The following DDX4 variants were observed in gnomAD, a reference collection of about 807,000 sequenced individuals.
DDX4 encodes the protein probable ATP-dependent RNA helicase DDX4.
In DDX4, 25 loss-of-function variants were observed where a neutral mutation model predicts 100.0. The ratio of observed to expected loss-of-function variants is 0.25; its 90% CI spans 0.18 to 0.35. DDX4 has a LOEUF of 0.35. Among genes scored for constraint, DDX4 ranks in the 10% least tolerant of loss-of-function variants. The pLI is 1.00. For missense variants in DDX4, 635 were observed against 882.4 expected (o/e 0.72, Z 3.55); for synonymous variants, 259 against 275.7 (o/e 0.94, Z 0.60).
chr5:55,784,642 C>A (rs535676856), intron 10 of DDX4, among the ~76,000 whole-genome samples: 20 of 152,290 alleles, frequency 1.3e-4, no homozygotes, highest in African/African-American at 4.8e-4. Context: ...TGAATATTTG[C>A]TTTCCTTCTG....
intron 7 of DDX4, among the ~76,000 whole-genome samples, chr5:55,779,088 A>G (rs1329247448): frequency 6.6e-6 from 1 of 152,174 alleles, no homozygotes; most frequent in African/African-American, 2.4e-5. Flanking sequence ...ATAGGGCAAA[A>G]GAAAAACATG....
chr5:55,766,287 G>A (rs1740921528), intron 6 of DDX4, among the ~76,000 whole-genome samples: 1 of 152,004 alleles, frequency 6.6e-6, no homozygotes, highest in African/African-American at 2.4e-5. Flanking sequence ...TAGTACAGAG[G>A]TTTTTCATGT....
In DDX4 at chr5:55,808,256, G is replaced by T. The variant is rs191039793; in HGVS notation, c.1616-5417G>T. On this transcript the variant is annotated intron_variant, in intron 18 of 21. Coordinates refer to ENST00000505374, the MANE Select transcript of DDX4 (RefSeq NM_024415.3). Reference sequence around the variant, plus strand: ...CAAGGTTTTTAACTTCTTTGCCATGGCTTTGTATTCCTCCTTTAGCTCTGA... The same window carrying T: ...CAAGGTTTTTAACTTCTTTGCCATGTCTTTGTATTCCTCCTTTAGCTCTGA... Among the ~76,000 whole-genome samples, 67 of 152,090 alleles carry T rather than the reference G, an allele frequency of 4.4e-4. No homozygotes were observed. The East Asian group carries it at 0.013, about 29-fold the overall frequency.
chr5:55,807,894 A>G (rs1580607846), intron 18 of DDX4, among the ~76,000 whole-genome samples: 1 of 152,290 alleles, frequency 6.6e-6, no homozygotes, highest in East Asian at 1.9e-4. Context: ...GTTCTCATGG[A>G]TAATATCCTG....
Position 55,816,581 on chromosome 5 carries a change from A to C in DDX4, c.*41A>C. 3 of 1,597,680 alleles carry C rather than the reference A, an allele frequency of 1.9e-6. No homozygotes were observed. In the South Asian group the frequency reaches 3.4e-5, roughly 18 times the overall value. On this transcript the variant is annotated 3_prime_UTR_variant, in exon 22 of 22. Transcript: ENST00000505374. ...CAAGTCTGTGGTTTTGATGCAGAGA[A>C]GAAAATAGTTTTGATTTTTGAGTTT... is the stretch of plus-strand genomic sequence containing the variant.
intron 18 of DDX4, among the ~76,000 whole-genome samples, chr5:55,808,889 G>A (rs888686521): frequency 1.3e-5 from 2 of 152,210 alleles, no homozygotes; most frequent in African/African-American, 2.4e-5. Context: ...GCTGCCTTTT[G>A]TTTGTCTGTG....
intron 3 of DDX4, among the ~76,000 whole-genome samples, chr5:55,749,672 T>G (rs1759434251): frequency 6.6e-6 from 1 of 152,172 alleles, no homozygotes; most frequent in Non-Finnish European, 1.5e-5. Context: ...CTCACTATAT[T>G]GTACAGCTTC....
chr5:55,784,368 G>A (rs780267686), intron 10 of DDX4, among the ~76,000 whole-genome samples: 5 of 152,142 alleles, frequency 3.3e-5, no homozygotes, highest in Non-Finnish European at 7.4e-5. Context: ...CTATTGGATG[G>A]TGCCTGCCCA....
At chr5:55,780,189 T>TGTGTATTAGTCACTG in intron 8 of DDX4, 124 bp downstream of exon 8, 2 of 1,407,724 alleles carry the variant, frequency 1.4e-6, no homozygotes, top group Non-Finnish European at 1.9e-6. Flanking sequence ...CAGTGACTAA[T>TGTGTATTAGTCACTG]ACACATTAAT....
rs150701937 is a variant in DDX4, at chr5:55,813,761, A to C, written c.1704A>C (p.Thr568=). ...TFLCQEKIST[T]SIHGDREQRE... ...TTTGTCAAGAAAAAATATCAACTAC[A>C]AGTATTCATGGGTGAGTAGATGAAT... Residue 568 remains threonine (T), a synonymous_variant, in exon 19 of 22, where the codon ACA becomes ACC. Coordinates refer to ENST00000505374, the MANE Select transcript of DDX4 (RefSeq NM_024415.3). The C allele has an allele frequency of 1.3e-6, 2 of 1,594,146 alleles. No homozygotes were observed. Among genetic ancestry groups the C allele is most frequent in the African/African-American group, 2.7e-5 (2 of 74,064 alleles).
chr5:55,776,023 G>A (rs1005580256), intron 7 of DDX4, among the ~76,000 whole-genome samples: 1 of 152,158 alleles, frequency 6.6e-6, no homozygotes. Context: ...TGGAGTCTGA[G>A]GCAGGAGAAT....
chr5:55,751,572 A>G (rs1341941423), intron 3 of DDX4, among the ~76,000 whole-genome samples: 3 of 152,218 alleles, frequency 2.0e-5, no homozygotes, highest in African/African-American at 7.2e-5. Context: ...CTGTCTCTTC[A>G]TATACATGTT....
intron 2 of DDX4, among the ~76,000 whole-genome samples, chr5:55,740,177 TG>T (rs1477837789): frequency 2.6e-5 from 4 of 152,248 alleles, no homozygotes; most frequent in African/African-American, 9.6e-5. Flanking sequence ...AAACATTTTT[TG>T]TTTGTTTTTG....
At chr5:55,815,935 T>TG (rs1414267672) in intron 21 of DDX4, among the ~76,000 whole-genome samples, 2 of 121,894 alleles carry the variant, frequency 1.6e-5, no homozygotes, top group Admixed American at 8.9e-5. Context: ...CCATCTTAGC[T>TG]GGTTTTTTTT....
chr5:55,786,124 T>TTAAA (rs1187419739), intron 13 of DDX4, among the ~76,000 whole-genome samples: 1 of 152,174 alleles, frequency 6.6e-6, no homozygotes, highest in Non-Finnish European at 1.5e-5. Flanking sequence ...AAAATGCTTT[T>TTAAA]CCTAGTGATT....
At chr5:55,766,586 A>G (rs1426860703) in intron 6 of DDX4, among the ~76,000 whole-genome samples, 2 of 152,074 alleles carry the variant, frequency 1.3e-5, no homozygotes, top group Non-Finnish European at 2.9e-5. Context: ...ATGGCTCTTC[A>G]GGATTGTTTG....
chr5:55,799,150 C>G (rs1743145765), intron 18 of DDX4, among the ~76,000 whole-genome samples: 1 of 152,110 alleles, frequency 6.6e-6, no homozygotes. Flanking sequence ...TTATGGCAGC[C>G]TCAAACTCCT....
intron 14 of DDX4, 128 bp downstream of exon 14, chr5:55,786,798 G>GT: frequency 1.4e-6 from 1 of 713,104 alleles, no homozygotes; most frequent in Non-Finnish European, 2.4e-6. Context: ...AGTATTGATG[G>GT]TTTTGCTTCT....
intron 3 of DDX4, among the ~76,000 whole-genome samples, chr5:55,754,328 T>C (rs1355633353): frequency 5.3e-5 from 7 of 131,584 alleles, no homozygotes; most frequent in African/African-American, 2.0e-4. Flanking sequence ...ATAGCTCTTA[T>C]TATTTTGAAA....
Sources: gnomAD v4.1 joint callset for allele counts (sites outside exome capture counted in the v4.1 genomes callset) on GRCh38, gnomAD v4.1.1 for gene constraint, MANE v1.5 for transcripts, NCBI Gene and HGNC (gene_info 2026-07-23, HGNC 2026-07-21) for gene names.